The following ZFP62 variants were observed in gnomAD, a reference collection of about 807,000 sequenced individuals.
The protein encoded by ZFP62 is zinc finger protein 62 homolog.
A neutral mutation model predicts 56.4 loss-of-function variants in ZFP62; 44 were observed. That is an observed-to-expected ratio of 0.78 (90% CI 0.61 to 1.00). ZFP62 has a LOEUF of 1.00. Among genes scored for constraint, ZFP62 ranks in the 50% least tolerant of loss-of-function variants. The pLI is 0.00. For synonymous variants in ZFP62, 421 were observed against 388.9 expected, an observed-to-expected ratio of 1.08 and a Z score of -0.97; for missense variants, 1,030 against 1,085.7, an observed-to-expected ratio of 0.95 and a Z score of 0.72.
At chr5:180,831,659 G>A in the ZFP62 span, 1 of 152,592 alleles carries the variant, frequency 6.6e-6, no homozygotes, top group East Asian at 1.9e-4. Context: ...ACACCCGGGT[G>A]GTTCTGGCTA....
At chr5:180,854,413 T>C (rs995341475) in intron 1 of ZFP62, among the ~76,000 whole-genome samples, 33 of 152,264 alleles carry the variant, frequency 2.2e-4, no homozygotes, top group East Asian at 9.6e-4. Flanking sequence ...TGAGTGCTGG[T>C]TGATAAATGT....
the ZFP62 span, among the ~76,000 whole-genome samples, chr5:180,827,682 C>T: frequency 5.3e-5 from 8 of 152,308 alleles, no homozygotes; most frequent in African/African-American, 1.4e-4. Flanking sequence ...GCCCGACACC[C>T]GTAAAGGGTC....
the ZFP62 span, among the ~76,000 whole-genome samples, chr5:180,832,408 C>G: frequency 1.3e-5 from 2 of 152,214 alleles, no homozygotes; most frequent in Non-Finnish European, 2.9e-5. Context: ...CTGCCTTGGT[C>G]TCCCAAAGTT....
At chr5:180,860,507 C>G (rs1774243482) in intron 1 of ZFP62, 1 of 152,038 alleles carries the variant, frequency 6.6e-6, no homozygotes, top group Admixed American at 6.6e-5. Context: ...CTAAGAAACT[C>G]TTCGACCTTC....
At position 180,848,895 on chromosome 5, in the gene ZFP62, G is replaced by C. The variant is rs1358566203; in HGVS notation, c.2600C>G (p.Ser867Cys). ...KHKRTHTGEE[S>C]LNVIYVGSYS... ...ACTTCCCACATATATCACATTTAAA[G>C]ATTCCTCTCCAGTATGGGTTCTTTT... The change falls in exon 2 of 2, where the codon TCT becomes TGT. Residue 867 changes from serine (S) to cysteine (C), a missense_variant. By Grantham distance (112) the Ser-to-Cys change is moderately radical (BLOSUM62 -1). Coordinates refer to ENST00000502412, the MANE Select transcript of ZFP62 (RefSeq NM_001172638.2). The C allele has an allele frequency of 6.4e-7, 1 of 1,551,660 alleles. No homozygotes were observed. The highest frequency in any genetic ancestry group is 2.4e-5 in the East Asian group (1 of 40,918).
At position 180,848,100 on chromosome 5, in the gene ZFP62, C is replaced by A; in HGVS notation, c.*692G>T. 1 of 985,374 alleles carries A rather than the reference C, an allele frequency of 1.0e-6. No homozygotes were observed. 61.0% of individuals were successfully genotyped at this position (985,374 alleles called of 1,614,324 possible). A position where few individuals can be genotyped will look rare whatever the true frequency, so the allele number is the denominator to read the frequency against. Reference sequence around the variant, plus strand: ...ATCTGAAACTTTAAAAAAGTTTCATCCATTCAACTAATGTATCACAATAGT... The same window carrying A: ...ATCTGAAACTTTAAAAAAGTTTCATACATTCAACTAATGTATCACAATAGT... On this transcript the variant is annotated 3_prime_UTR_variant, in exon 2 of 2. Transcript: ENST00000502412.
At chr5:180,830,251 G>T in the ZFP62 span, 5 of 152,206 alleles carry the variant, frequency 3.3e-5, no homozygotes, top group Admixed American at 3.3e-4. Context: ...CAGAGTTTGG[G>T]GAGGTCTCAT....
intron 1 of ZFP62, 33 bp from the exon 2 acceptor site, chr5:180,851,526 A>C: frequency 6.8e-7 from 1 of 1,476,536 alleles, no homozygotes; most frequent in Non-Finnish European, 8.9e-7. Flanking sequence ...ACACCTATTC[A>C]CTCTCTTAAA....
At chr5:180,831,321 C>G in the ZFP62 span, 1 of 152,302 alleles carries the variant, frequency 6.6e-6, no homozygotes, top group Non-Finnish European at 1.5e-5. Flanking sequence ...CCTCCGCTTG[C>G]GGGAGCCGGG....
the ZFP62 span, among the ~76,000 whole-genome samples, chr5:180,840,077 G>A: frequency 6.6e-6 from 1 of 152,228 alleles, no homozygotes; most frequent in Non-Finnish European, 1.5e-5. Flanking sequence ...GGCGAGCTGA[G>A]GATCCCCAGG....
rs182004779 is a variant in ZFP62, at chr5:180,848,791, G to A, written c.*1C>T. 7.9e-6 allele frequency: 12 copies of A among 1,514,572 alleles called. No individual in the cohort carries two copies. Among genetic ancestry groups the A allele is most frequent in the Non-Finnish European group, 1.1e-5 (12 of 1,126,584 alleles). 93.8% of individuals were successfully genotyped at this position (1,514,572 alleles called of 1,614,324 possible). A position where few individuals can be genotyped will look rare whatever the true frequency, so the allele number is the denominator to read the frequency against. On this transcript the variant is annotated 3_prime_UTR_variant, in exon 2 of 2. Coordinates refer to ENST00000502412, the MANE Select transcript of ZFP62 (RefSeq NM_001172638.2). ...CGGAGAGACTTGGTAAGCTCTGCCT[G>A]CTACAGAGGCATCCTCATCCTGCCC... is the stretch of plus-strand genomic sequence containing the variant.
chr5:180,856,983 AT>A (rs1480374324), intron 1 of ZFP62, among the ~76,000 whole-genome samples: 2 of 145,108 alleles, frequency 1.4e-5, no homozygotes, highest in African/African-American at 5.1e-5. Context: ...AAAAAAGCAA[AT>A]ACAGGACATG....
chr5:180,835,529 A>G, the ZFP62 span: 4 of 152,090 alleles, frequency 2.6e-5, no homozygotes, highest in African/African-American at 7.2e-5. Flanking sequence ...GTCTTAAGCA[A>G]TTTTCTTCCT....
Position 180,851,496 on chromosome 5 carries a change from A to C in ZFP62, c.2-3T>G. 1 of 1,519,350 alleles carries C rather than the reference A, an allele frequency of 6.6e-7. No individual in the cohort carries two copies. The highest frequency in any genetic ancestry group is 8.8e-7 in the Non-Finnish European group (1 of 1,133,574). The allele number at this position is 1,519,350 out of a possible 1,614,324, so 94.1% of individuals were successfully genotyped here. A position where few individuals can be genotyped will look rare whatever the true frequency, so the allele number is the denominator to read the frequency against. ...AGTGCTCGTCTTCAAATGTGACACTAAACCAAGAAAATGAAAAGGACACCT... is the reference window on the plus strand; with the variant it reads ...AGTGCTCGTCTTCAAATGTGACACTCAACCAAGAAAATGAAAAGGACACCT... On this transcript the variant is annotated splice_polypyrimidine_tract_variant and splice_region_variant and intron_variant, in intron 1 of 1. Transcript: ENST00000502412.
intron 1 of ZFP62, among the ~76,000 whole-genome samples, chr5:180,860,194 G>C (rs976457824): frequency 6.6e-6 from 1 of 152,202 alleles, no homozygotes; most frequent in African/African-American, 2.4e-5. Flanking sequence ...GCCAGTATTT[G>C]CAGAAATTCG....
rs1453684537 is a variant in ZFP62, at chr5:180,851,318, G to A, written c.177C>T (p.Asn59=). 35 of 1,551,590 alleles carry A rather than the reference G, an allele frequency of 2.3e-5. No individual in the cohort carries two copies. Among genetic ancestry groups the A allele is most frequent in the Non-Finnish European group, 2.5e-5 (29 of 1,146,988 alleles). ...VENQQKKPVE[N]RMKEDKSSIR... ...TGCTGCTTTTGTCCTCCTTCATCCT[G>A]TTTTCCACAGGCTTTTTCTGTTGAT... Residue 59 remains asparagine, a synonymous_variant, in exon 2 of 2, where the codon AAC becomes AAT. Coordinates refer to ENST00000502412, the MANE Select transcript of ZFP62 (RefSeq NM_001172638.2).
At chr5:180,833,415 C>A in the ZFP62 span, among the ~76,000 whole-genome samples, 1 of 147,324 alleles carries the variant, frequency 6.8e-6, no homozygotes, top group African/African-American at 2.5e-5. Context: ...GGAGGCAGAG[C>A]TTTCAGTGAG....
chr5:180,828,772 G>A, the ZFP62 span, among the ~76,000 whole-genome samples: 9 of 152,174 alleles, frequency 5.9e-5, no homozygotes, highest in Middle Eastern at 3.2e-3. Flanking sequence ...GACTGCCTGC[G>A]GGGTCAGGCA....
chr5:180,851,444 A>T lies in ZFP62; in HGVS notation c.51T>A (p.Tyr17Ter). 6.4e-7 allele frequency: 1 copy of T among 1,551,366 alleles called. No individual in the cohort carries two copies. Among genetic ancestry groups the T allele is most frequent in the Non-Finnish European group, 8.7e-7 (1 of 1,146,904 alleles). The change falls in exon 2 of 2, where the codon TAT (tyrosine) becomes TAA (stop). Residue 17 changes from tyrosine (Y) to a stop codon, truncating the protein, a stop_gained. Coordinates refer to ENST00000502412, the MANE Select transcript of ZFP62 (RefSeq NM_001172638.2). LOFTEE classifies it high-confidence loss of function. ...STEDEEPTEEYENVGNAASKW... is the reference protein window; with the variant it reads ...STEDEEPTEE Reference sequence around the variant, plus strand: ...TAGATGCTGCATTTCCAACATTTTCATATTCTTCAGTTGGTTCCTCATCCT... The same window carrying T: ...TAGATGCTGCATTTCCAACATTTTCTTATTCTTCAGTTGGTTCCTCATCCT...
Sources: gnomAD v4.1 joint callset for allele counts (sites outside exome capture counted in the v4.1 genomes callset) on GRCh38, gnomAD v4.1.1 for gene constraint, MANE v1.5 for transcripts, NCBI Gene and HGNC (gene_info 2026-07-23, HGNC 2026-07-21) for gene names.